Variants in SHLD2 observed in about 807,000 individuals in gnomAD.
SHLD2 encodes RINN1-REV7-interacting novel NHEJ regulator 2.
SHLD2 carries 30 observed loss-of-function variants against 73.2 expected under a neutral mutation model. The ratio of observed to expected loss-of-function variants is 0.41; its 90% CI spans 0.31 to 0.56. SHLD2 has a LOEUF of 0.56. SHLD2 is among the 20% of genes least tolerant of loss of function. The probability of loss-of-function intolerance (pLI) is 0.28; values close to 1 mark genes in which losing one functional copy is unlikely to be tolerated. For missense variants in SHLD2, 745 were observed against 1,055.9 expected (o/e 0.71, Z 4.08); for synonymous variants, 285 against 370.1 (o/e 0.77, Z 2.64).
At chr10:87,111,640 C>CAA (rs972282870) in intron 2 of SHLD2, among the ~76,000 whole-genome samples, 2,103 of 66,702 alleles carry the variant, frequency 0.032, 107 homozygotes, top group African/African-American at 0.12. Context: ...GAGTCTGTCT[C>CAA]AAAAAAAAAA....
chr10:87,153,924 GAGAC>G (rs1846190955), intron 3 of SHLD2: 1 of 152,172 alleles, frequency 6.6e-6, no homozygotes, highest in Middle Eastern at 3.4e-3. Flanking sequence ...TTATTTTTAA[GAGAC>G]AGAGTCTTGC....
chr10:87,125,929 AAAT>A (rs1301737643), intron 2 of SHLD2, among the ~76,000 whole-genome samples: 4 of 151,874 alleles, frequency 2.6e-5, no homozygotes, highest in Non-Finnish European at 4.4e-5. Context: ...CTCTGTCTCA[AAAT>A]AATAATAATA....
chr10:87,160,737 C>T lies in SHLD2; in HGVS notation c.1633+2582C>T, dbSNP rs188535305. On this transcript the variant is annotated intron_variant, in intron 4 of 9. Transcript: ENST00000298786. ...TGGTGCGGTGGCTCACGCCTGTAATCCCAGCACTTTGGGAGGCCAAGGTGG... is the reference window on the plus strand; with the variant it reads ...TGGTGCGGTGGCTCACGCCTGTAATTCCAGCACTTTGGGAGGCCAAGGTGG... Among the ~76,000 whole-genome samples, 1,165 of 152,308 alleles carry T rather than the reference C, an allele frequency of 7.6e-3. 13 individuals carry two copies. The highest frequency in any genetic ancestry group is 0.027 in the African/African-American group (1,141 of 41,554).
intron 4 of SHLD2, among the ~76,000 whole-genome samples, chr10:87,167,853 C>T (rs1183026966): frequency 6.6e-6 from 1 of 152,086 alleles, no homozygotes; most frequent in Non-Finnish European, 1.5e-5. Flanking sequence ...TCATGTTGCC[C>T]AAGCTGGCCT....
intron 2 of SHLD2, among the ~76,000 whole-genome samples, chr10:87,140,546 T>C (rs1845122563): frequency 1.3e-5 from 2 of 151,530 alleles, no homozygotes; most frequent in Admixed American, 1.3e-4. Context: ...AAGACCAGCT[T>C]GGGCAATTTC....
At chr10:87,150,156 C>T (rs1181918007) in intron 2 of SHLD2, among the ~76,000 whole-genome samples, 1 of 150,296 alleles carries the variant, frequency 6.7e-6, no homozygotes, top group Admixed American at 6.7e-5. Context: ...CCTCCTCCTC[C>T]TGAGTTCAAG....
chr10:87,155,244 CTTTTAT>C (rs777740114), intron 3 of SHLD2, among the ~76,000 whole-genome samples: 174 of 152,322 alleles, frequency 1.1e-3, no homozygotes, highest in Non-Finnish European at 2.0e-3. Flanking sequence ...CGAGTACAAT[CTTTTAT>C]AAAGAGGTAA....
chr10:87,122,921 G>T (rs1843727818), intron 2 of SHLD2, among the ~76,000 whole-genome samples: 1 of 152,162 alleles, frequency 6.6e-6, no homozygotes, highest in South Asian at 2.1e-4. Flanking sequence ...GGGACTACAG[G>T]CACCTGCCAC....
intron 2 of SHLD2, among the ~76,000 whole-genome samples, chr10:87,141,339 T>G (rs546998369): frequency 4.4e-5 from 3 of 67,554 alleles, no homozygotes; most frequent in Admixed American, 4.2e-4. Context: ...TGTTCGGTGT[T>G]TTTTTTTTTT....
intron 2 of SHLD2, among the ~76,000 whole-genome samples, chr10:87,124,812 A>G (rs1373619843): frequency 3.4e-5 from 5 of 148,636 alleles, no homozygotes; most frequent in Admixed American, 1.4e-4. Context: ...TGACATCATC[A>G]TGGCTCACGG....
Position 87,180,297 on chromosome 10 carries a change from A to G in SHLD2, c.2393A>G (p.Tyr798Cys), listed in dbSNP as rs758446768. The change falls in exon 8 of 10, where the codon TAT becomes TGT. Residue 798 changes from tyrosine to cysteine, a missense_variant. Physicochemically the swap from Tyr to Cys is radical, Grantham distance 194 (BLOSUM62 -2). Around this residue, in one of 5 missense-constraint regions of SHLD2, gnomAD observed 418 missense variants for 567.8 expected, o/e 0.74. Transcript: ENST00000298786. ...SCLPFTMKKIYYRPALMTAID... is the reference protein window; with the variant it reads ...SCLPFTMKKICYRPALMTAID... ...TTGCCATTTACTATGAAGAAAATAT[A>G]TTATAGGTAAGGCAACTAAGCAAGC... is the stretch of plus-strand genomic sequence containing the variant. 7.5e-6 allele frequency: 12 copies of G among 1,602,950 alleles called. No individual in the cohort carries two copies. Among genetic ancestry groups the G allele is most frequent in the Non-Finnish European group, 9.4e-6 (11 of 1,173,408 alleles).
In SHLD2 at chr10:87,126,484, C is replaced by T. The variant is rs572408680; in HGVS notation, c.-5-24866C>T. ...TAGTATTAAGTTTGCAGTTGATAAC[C>T]TTCTGTACTAACTAGAAGTAGTATA... On this transcript the variant is annotated intron_variant, in intron 2 of 9. Transcript: ENST00000298786. Among the ~76,000 whole-genome samples, 13 of 152,014 alleles carry T rather than the reference C, an allele frequency of 8.6e-5. No homozygotes were observed. The South Asian group carries it at 2.7e-3, about 32-fold the overall frequency.
At chr10:87,112,786 A>G (rs935817285) in intron 2 of SHLD2, among the ~76,000 whole-genome samples, 1 of 151,830 alleles carries the variant, frequency 6.6e-6, no homozygotes, top group Non-Finnish European at 1.5e-5. Context: ...GGGAACCCTT[A>G]TAGGGTTCCT....
At chr10:87,168,071 T>A (rs190732950) in intron 4 of SHLD2, among the ~76,000 whole-genome samples, 2 of 152,042 alleles carry the variant, frequency 1.3e-5, no homozygotes, top group East Asian at 3.9e-4. Flanking sequence ...CAGTTTGGGG[T>A]TTTCTCAAAG....
At chr10:87,116,153 A>G (rs1261465895) in intron 2 of SHLD2, among the ~76,000 whole-genome samples, 1 of 152,198 alleles carries the variant, frequency 6.6e-6, no homozygotes, top group Non-Finnish European at 1.5e-5. Context: ...TCTCCATAAT[A>G]GAAATAAATG....
chr10:87,174,048 C>T (rs927423733), intron 6 of SHLD2, among the ~76,000 whole-genome samples: 1 of 152,076 alleles, frequency 6.6e-6, no homozygotes, highest in South Asian at 2.1e-4. Flanking sequence ...TTAATATGAA[C>T]AAATTGGGGG....
In SHLD2 at chr10:87,123,641, G is replaced by A. The variant is rs564420784; in HGVS notation, c.-6+26652G>A. On this transcript the variant is annotated intron_variant, in intron 2 of 9. Transcript: ENST00000298786. ...TCACCCTAATAGAGCTTGTATATAT[G>A]TCTCCACCAAATCTTATGTTGAATT... 8.5e-5 allele frequency among the ~76,000 whole-genome samples: 13 copies of A among 152,208 alleles called. No homozygotes were observed. In the South Asian group the frequency reaches 1.0e-3, roughly 12 times the overall value.
chr10:87,151,520 C>A lies in SHLD2; in HGVS notation c.166C>A (p.His56Asn). ...HSLYLKDEKQ[H>N]KNLENYKVPE... is the part of the protein sequence containing the mutation. ...TTTATATCTGAAGGATGAAAAACAG[C>A]ACAAAAATCTTGAAAACTATAAAGT... The change falls in exon 3 of 10, where the codon CAC becomes AAC. Residue 56 changes from histidine to asparagine, a missense_variant. Physicochemically the swap from His to Asn is moderately conservative, Grantham distance 68 (BLOSUM62 1). Around this residue, in one of 5 missense-constraint regions of SHLD2, gnomAD observed 280 missense variants for 353.9 expected, o/e 0.79. Coordinates refer to ENST00000298786, the MANE Select transcript of SHLD2 (RefSeq NM_001330112.2). 6.2e-7 allele frequency: 1 copy of A among 1,610,528 alleles called. No homozygotes were observed. The highest frequency in any genetic ancestry group is 1.3e-5 in the African/African-American group (1 of 74,764).
chr10:87,103,920 A>T (rs1329895423), intron 2 of SHLD2, among the ~76,000 whole-genome samples: 3 of 152,184 alleles, frequency 2.0e-5, no homozygotes, highest in Non-Finnish European at 2.9e-5. Context: ...CATGCAAGAA[A>T]CATGTGAGGT....
Sources: gnomAD v4.1 joint callset for allele counts (sites outside exome capture counted in the v4.1 genomes callset) on GRCh38, gnomAD v4.1.1 for gene constraint, gnomAD v4.1.1 regional missense constraint, MANE v1.5 for transcripts, NCBI Gene and HGNC (gene_info 2026-07-23, HGNC 2026-07-21) for gene names.